GABRG3: variants seen among roughly 807,000 people sequenced by gnomAD.
GABRG3 encodes gamma-aminobutyric acid type A receptor subunit gamma3, also known as gamma-aminobutyric acid receptor subunit gamma-3.
A neutral mutation model predicts 48.8 loss-of-function variants in GABRG3; 25 were observed. That is an observed-to-expected ratio of 0.51 (90% CI 0.37 to 0.72). The LOEUF is 0.72. GABRG3 is among the 30% of genes least tolerant of loss of function. The pLI is 0.00. For synonymous variants in GABRG3, 227 were observed against 217.6 expected, an observed-to-expected ratio of 1.04 and a Z score of -0.38; for missense variants, 394 against 577.9, an observed-to-expected ratio of 0.68 and a Z score of 3.26.
intron 3 of GABRG3, among the ~76,000 whole-genome samples, chr15:27,072,358 A>G (rs1896842757): frequency 6.6e-6 from 1 of 151,792 alleles, no homozygotes; most frequent in South Asian, 2.1e-4. Context: ...TCATTCCTTC[A>G]TTTCCTTTTC....
chr15:27,242,980 C>T (rs1432578608), intron 3 of GABRG3, among the ~76,000 whole-genome samples: 1 of 152,166 alleles, frequency 6.6e-6, no homozygotes, highest in Non-Finnish European at 1.5e-5. Flanking sequence ...GATTTTTCCT[C>T]AACATCCATT....
intron 3 of GABRG3, among the ~76,000 whole-genome samples, chr15:27,283,741 A>G (rs990019954): frequency 1.3e-5 from 2 of 152,142 alleles, no homozygotes; most frequent in African/African-American, 4.8e-5. Context: ...TCTGAGGCAT[A>G]TGAGGCATAA....
intron 3 of GABRG3, among the ~76,000 whole-genome samples, chr15:27,266,553 T>C (rs1378872034): frequency 6.6e-6 from 1 of 152,212 alleles, no homozygotes; most frequent in Admixed American, 6.5e-5. Flanking sequence ...ATTTTAGAAA[T>C]AGCCTGTCAA....
chr15:27,028,566 G>A (rs543900404), intron 3 of GABRG3, among the ~76,000 whole-genome samples: 19 of 152,214 alleles, frequency 1.2e-4, no homozygotes, highest in African/African-American at 4.6e-4. Flanking sequence ...CAGCACTTTG[G>A]GAGGCTGAGG....
rs377614544 is a variant in GABRG3, at chr15:27,069,237, TTG to T, written c.270+42419_270+42420del. ...GAGTAATACTTCCAGGGTTTTATAT[TTG>T]TGAATTTTCTAAAGTCAAGTATAAT... is the stretch of plus-strand genomic sequence containing the variant. On this transcript the variant is annotated intron_variant, in intron 3 of 9. Coordinates refer to ENST00000615808, the MANE Select transcript of GABRG3 (RefSeq NM_033223.5). 3.9e-5 allele frequency among the ~76,000 whole-genome samples: 6 copies of T among 152,278 alleles called. No homozygotes were observed. In the East Asian group the frequency reaches 1.2e-3, roughly 29 times the overall value.
At chr15:27,271,841 A>G (rs1364701025) in intron 3 of GABRG3, among the ~76,000 whole-genome samples, 1 of 152,204 alleles carries the variant, frequency 6.6e-6, no homozygotes, top group East Asian at 1.9e-4. Context: ...CCATCATGCT[A>G]ACTACTGTTG....
intron 5 of GABRG3, among the ~76,000 whole-genome samples, chr15:27,473,506 C>T (rs951806972): frequency 6.6e-6 from 1 of 152,116 alleles, no homozygotes; most frequent in Non-Finnish European, 1.5e-5. Context: ...AAATTATAAA[C>T]GTCTGGTCCA....
chr15:27,341,825 G>A (rs559951216), intron 5 of GABRG3, among the ~76,000 whole-genome samples: 2 of 152,294 alleles, frequency 1.3e-5, no homozygotes, highest in South Asian at 4.1e-4. Flanking sequence ...AGCATGCTCT[G>A]CCCTGGCTCG....
intron 3 of GABRG3, among the ~76,000 whole-genome samples, chr15:27,226,008 C>T (rs1448980681): frequency 6.6e-6 from 1 of 152,162 alleles, no homozygotes; most frequent in Admixed American, 6.5e-5. Context: ...ATGTGTCTTG[C>T]AGGCAGGCAC....
intron 3 of GABRG3, among the ~76,000 whole-genome samples, chr15:27,046,998 C>T (rs549038609): frequency 4.6e-5 from 7 of 152,274 alleles, no homozygotes; most frequent in African/African-American, 1.7e-4. Context: ...CTTTAATCCT[C>T]TGGGATGGTG....
chr15:27,387,959 G>T (rs1566817303), intron 5 of GABRG3, among the ~76,000 whole-genome samples: 1 of 80,288 alleles, frequency 1.2e-5, no homozygotes, highest in Admixed American at 1.2e-4. Context: ...AGGGAGGGAG[G>T]GGAAGAAAGG....
intron 5 of GABRG3, among the ~76,000 whole-genome samples, chr15:27,404,229 A>G (rs948879489): frequency 2.0e-5 from 3 of 151,878 alleles, no homozygotes; most frequent in African/African-American, 7.3e-5. Flanking sequence ...TGAAGAAAAA[A>G]CCTATCAGGC....
chr15:27,361,051 G>C (rs1009558112), intron 5 of GABRG3, among the ~76,000 whole-genome samples: 1 of 152,218 alleles, frequency 6.6e-6, no homozygotes, highest in African/African-American at 2.4e-5. Context: ...GACACAGTCA[G>C]CTGTGACCAC....
At chr15:27,280,553 A>C (rs1349424792) in intron 3 of GABRG3, 1 of 152,162 alleles carries the variant, frequency 6.6e-6, no homozygotes, top group African/African-American at 2.4e-5. Flanking sequence ...CATTCAGTTG[A>C]ATGTATTTTA....
chr15:27,343,638 A>G (rs1376686070), intron 5 of GABRG3, among the ~76,000 whole-genome samples: 1 of 152,224 alleles, frequency 6.6e-6, no homozygotes, highest in African/African-American at 2.4e-5. Context: ...CAACTCATGT[A>G]ATGCTTCATT....
intron 5 of GABRG3, among the ~76,000 whole-genome samples, chr15:27,455,556 T>C (rs895182181): frequency 5.4e-5 from 8 of 147,086 alleles, no homozygotes; most frequent in African/African-American, 2.0e-4. Flanking sequence ...GTTTGTGAGT[T>C]TGTGTGTGGT....
intron 6 of GABRG3, among the ~76,000 whole-genome samples, chr15:27,513,436 T>C (rs947547058): frequency 4.8e-5 from 7 of 147,214 alleles, no homozygotes; most frequent in African/African-American, 1.8e-4. Flanking sequence ...GGAGACAGAG[T>C]AAGACTCCGT....
At chr15:27,433,674 T>C (rs561743053) in intron 5 of GABRG3, among the ~76,000 whole-genome samples, 1 of 152,292 alleles carries the variant, frequency 6.6e-6, no homozygotes, top group East Asian at 1.9e-4. Flanking sequence ...TTAGGGCTAG[T>C]ATTGTATGTG....
At chr15:27,467,897 TAAAC>T (rs1374337738) in intron 5 of GABRG3, among the ~76,000 whole-genome samples, 3 of 152,210 alleles carry the variant, frequency 2.0e-5, no homozygotes, top group South Asian at 2.1e-4. Context: ...ATTCCAGAAA[TAAAC>T]AATTCATAAG....
Sources: allele counts gnomAD v4.1 joint callset (sites outside exome capture counted in the v4.1 genomes callset), GRCh38; gene constraint gnomAD v4.1.1; transcripts MANE v1.5; gene names NCBI Gene and HGNC (gene_info 2026-07-23, HGNC 2026-07-21).